The following DDX46 variants were observed in gnomAD, a reference collection of about 807,000 sequenced individuals.
DDX46 encodes probable ATP-dependent RNA helicase DDX46.
In DDX46, 30 loss-of-function variants were observed where a neutral mutation model predicts 134.9. The observed-to-expected ratio is 0.22, with a 90% confidence interval of 0.17 to 0.30. DDX46 has a LOEUF of 0.30. Ranked by LOEUF, DDX46 falls within the 10% of genes least tolerant of loss-of-function variation. The probability of loss-of-function intolerance (pLI) is 1.00; values close to 1 mark genes in which losing one functional copy is unlikely to be tolerated. For missense variants in DDX46, 622 were observed against 1,248.7 expected (o/e 0.50, Z 7.56); for synonymous variants, 415 against 404.1 (o/e 1.03, Z -0.32).
At chr5:134,812,816 T>G (rs1367306265) in intron 18 of DDX46, among the ~76,000 whole-genome samples, 1 of 152,128 alleles carries the variant, frequency 6.6e-6, no homozygotes, top group Non-Finnish European at 1.5e-5. Flanking sequence ...TTTTGTATTT[T>G]TAGTAGAGAT....
chr5:134,824,986 C>T (rs1406285888), intron 21 of DDX46, among the ~76,000 whole-genome samples: 1 of 152,180 alleles, frequency 6.6e-6, no homozygotes, highest in Non-Finnish European at 1.5e-5. Context: ...TAAAAGCAGC[C>T]ACAGTTGTTT....
At chr5:134,818,509 C>G (rs1300371727) in intron 20 of DDX46, among the ~76,000 whole-genome samples, 1 of 151,024 alleles carries the variant, frequency 6.6e-6, no homozygotes, top group Non-Finnish European at 1.5e-5. Context: ...CGAGACCAGC[C>G]TGACCAACAT....
intron 1 of DDX46, among the ~76,000 whole-genome samples, chr5:134,760,529 G>C (rs898868939): frequency 1.3e-5 from 2 of 152,184 alleles, no homozygotes; most frequent in Non-Finnish European, 2.9e-5. Context: ...TGAGTAAAAA[G>C]TGTGTAATAG....
chr5:134,790,274 A>G (rs1754464364), intron 12 of DDX46, 196 bp from the exon 13 acceptor site: 3 of 634,162 alleles, frequency 4.7e-6, no homozygotes, highest in African/African-American at 1.8e-5. Context: ...ACCCATTGTC[A>G]GAAAGTATTT....
Position 134,782,116 on chromosome 5 carries a change from A to G in DDX46, c.1045+30A>G, listed in dbSNP as rs765402961. On this transcript the variant is annotated intron_variant, in intron 8 of 22. Transcript: ENST00000452510. ...AATTCCATTTTTTCATTTACTGGTT[A>G]TAAGGGAACAGAAGAGGATACATTT... 4.5e-6 allele frequency: 7 copies of G among 1,559,390 alleles called. No individual in the cohort carries two copies. In the Admixed American group the frequency reaches 6.2e-5, roughly 14 times the overall value.
Position 134,821,386 on chromosome 5 carries a change from A to T in DDX46, c.2977+2382A>T, listed in dbSNP as rs186709680. ...GGGATGAGGTTTCACCATGTTGGTC[A>T]GGCTGTTGTCAAACTCCTGACCTCA... On this transcript the variant is annotated intron_variant, in intron 21 of 22. Coordinates refer to ENST00000452510, the MANE Select transcript of DDX46 (RefSeq NM_001300860.2). Among the ~76,000 whole-genome samples the T allele has an allele frequency of 7.4e-3, 1,119 of 151,936 alleles. 12 individuals are homozygous for T. The highest frequency in any genetic ancestry group is 0.026 in the African/African-American group (1,064 of 41,470).
intron 5 of DDX46, among the ~76,000 whole-genome samples, chr5:134,775,294 C>T (rs1753899839): frequency 6.6e-6 from 1 of 152,194 alleles, no homozygotes; most frequent in Admixed American, 6.6e-5. Context: ...TTTCCCTTCA[C>T]ATCTGATTTT....
At chr5:134,770,736 C>T (rs183226276) in intron 3 of DDX46, among the ~76,000 whole-genome samples, 167 bp from the exon 4 acceptor site, 15 of 151,074 alleles carry the variant, frequency 9.9e-5, no homozygotes, top group Admixed American at 2.7e-4. Flanking sequence ...CGCTTGAACC[C>T]GGGAGGTGGA....
At chr5:134,777,987 G>T in intron 6 of DDX46, 1 of 301,948 alleles carries the variant, frequency 3.3e-6, no homozygotes, top group African/African-American at 2.2e-5. Flanking sequence ...TAAGTTCTCT[G>T]GAGACTTCTC....
At position 134,773,697 on chromosome 5, in the gene DDX46, A is replaced by G. The variant is rs1255695568; in HGVS notation, c.449A>G (p.Asn150Ser). The change falls in exon 5 of 23, where the codon AAC becomes AGC. Residue 150 changes from asparagine (N) to serine (S), a missense_variant and splice_region_variant. This residue lies in a region of DDX46 where 244 missense variants were observed against 349.3 expected (regional missense o/e 0.70). Coordinates refer to ENST00000452510, the MANE Select transcript of DDX46 (RefSeq NM_001300860.2). ...CTTTCTTTCTTTTATTCCCCCAAGA[A>G]CTTTGACCAGAATAAGCTGGAAGAA... ...KEDEKEKDAG[N>S]FDQNKLEEEM... 4 of 1,589,776 alleles carry G rather than the reference A, an allele frequency of 2.5e-6. No individual in the cohort carries two copies. Among genetic ancestry groups the G allele is most frequent in the Non-Finnish European group, 2.6e-6 (3 of 1,170,988 alleles).
At chr5:134,772,027 TC>T (rs756857981) in intron 4 of DDX46, among the ~76,000 whole-genome samples, 1 of 149,402 alleles carries the variant, frequency 6.7e-6, no homozygotes, top group Non-Finnish European at 1.5e-5. Flanking sequence ...GGTCAGGAGT[TC>T]GAGACCAGCC....
intron 9 of DDX46, among the ~76,000 whole-genome samples, chr5:134,783,324 G>A (rs1017237021): frequency 4.0e-5 from 6 of 150,592 alleles, no homozygotes; most frequent in African/African-American, 1.2e-4. Context: ...ATCTCACTGC[G>A]CTCACTGTGA....
At chr5:134,818,737 A>C in intron 20 of DDX46, 123 bp from the exon 21 acceptor site, 1 of 255,294 alleles carries the variant, frequency 3.9e-6, no homozygotes, top group Non-Finnish European at 6.9e-6. Context: ...ATATATATGG[A>C]GAGAGAGAGA....
intron 21 of DDX46, among the ~76,000 whole-genome samples, chr5:134,822,942 T>A (rs930676601): frequency 6.6e-6 from 1 of 152,162 alleles, no homozygotes; most frequent in Non-Finnish European, 1.5e-5. Context: ...TTATGTAATT[T>A]TTAAATCATA....
intron 11 of DDX46, 117 bp from the exon 12 acceptor site, chr5:134,788,396 A>T: frequency 1.3e-6 from 1 of 743,278 alleles, no homozygotes; most frequent in Non-Finnish European, 2.2e-6. Context: ...GATTCAAAAT[A>T]ATTAAGCAGG....
rs1371364617 is a variant in DDX46 at position 134,758,806 on chromosome 5, C to G, written c.-133C>G. The G allele has an allele frequency of 7.0e-7, 1 of 1,421,236 alleles. No homozygotes were observed. Among genetic ancestry groups the G allele is most frequent in the African/African-American group, 1.4e-5 (1 of 70,848 alleles). 88.0% of individuals were successfully genotyped at this position (1,421,236 alleles called of 1,614,324 possible). On this transcript the variant is annotated 5_prime_UTR_variant, in exon 1 of 23. Coordinates refer to ENST00000452510, the MANE Select transcript of DDX46 (RefSeq NM_001300860.2). ...GTTTTCGTTGGCCGCGCTGGGATGG[C>G]CGCCACAGCTGTAGGTGCTGCTAGT...
intron 5 of DDX46, among the ~76,000 whole-genome samples, chr5:134,776,749 T>C (rs1753950252): frequency 6.6e-6 from 1 of 151,582 alleles, no homozygotes; most frequent in Non-Finnish European, 1.5e-5. Context: ...ACCCCGTCTC[T>C]ACTAAATACA....
At chr5:134,799,421 A>G (rs1316837683) in intron 15 of DDX46, among the ~76,000 whole-genome samples, 6 of 150,308 alleles carry the variant, frequency 4.0e-5, no homozygotes, top group Non-Finnish European at 8.9e-5. Context: ...AGCTGGGACT[A>G]TAGCAAAATT....
chr5:134,763,126 G>A (rs797012601), intron 1 of DDX46, among the ~76,000 whole-genome samples: 15 of 152,178 alleles, frequency 9.9e-5, no homozygotes, highest in African/African-American at 3.6e-4. Flanking sequence ...CGGCTTCTTG[G>A]GAGGCTGAAG....
Sources: allele counts gnomAD v4.1 joint callset (sites outside exome capture counted in the v4.1 genomes callset), GRCh38; gene constraint gnomAD v4.1.1; regional missense constraint gnomAD v4.1.1; transcripts MANE v1.5; gene names NCBI Gene and HGNC (gene_info 2026-07-23, HGNC 2026-07-21).